CCDC167: variants seen among roughly 807,000 people sequenced by gnomAD.
CCDC167 encodes the protein coiled-coil domain-containing protein 167.
A neutral mutation model predicts 12.7 loss-of-function variants in CCDC167; 15 were observed. The observed-to-expected ratio is 1.18, with a 90% CI of 0.79 to 1.81. The LOEUF (loss-of-function observed/expected upper bound fraction) is 1.81. Ranked by LOEUF, CCDC167 falls within the 40% of genes most tolerant of loss-of-function variation. The pLI, the probability that CCDC167 is intolerant of heterozygous loss-of-function variation, is 0.00. For synonymous variants in CCDC167, 52 were observed against 49.0 expected (o/e 1.06, Z -0.26); for missense variants, 121 against 120.1 (o/e 1.01, Z -0.03).
chr6:37,484,638 G>T (rs1761917830), intron 3 of CCDC167, among the ~76,000 whole-genome samples, 172 bp downstream of exon 3: 1 of 152,222 alleles, frequency 6.6e-6, no homozygotes, highest in African/African-American at 2.4e-5. Flanking sequence ...CAACAAACCT[G>T]CTCTCCCGCA....
At chr6:37,484,692 G>T in intron 3 of CCDC167, 118 bp downstream of exon 3, 1 of 1,172,742 alleles carries the variant, frequency 8.5e-7, no homozygotes, top group Non-Finnish European at 1.3e-6. Context: ...CTGGGGGCTG[G>T]TTCCCTCCCA....
intron 1 of CCDC167, among the ~76,000 whole-genome samples, chr6:37,487,811 C>T (rs1332064529): frequency 6.6e-6 from 1 of 152,274 alleles, no homozygotes; most frequent in Non-Finnish European, 1.5e-5. Flanking sequence ...TTTATCTGAA[C>T]AAGCCCAATT....
chr6:37,485,192 G>C lies in CCDC167; in HGVS notation c.45C>G (p.Ile15Met), dbSNP rs745842957. ...GGGACAGCTTCTCCTCTAGCCCATC[G>C]ATCTGAAACAAAGGCCACAGAGAGG... ...KRENLGVALE[I>M]DGLEEKLSQC... is the part of the protein sequence containing the mutation. The change falls in exon 2 of 4, where the codon ATC becomes ATG. Residue 15 changes from isoleucine to methionine, a missense_variant and splice_region_variant. By Grantham distance (10) the Ile-to-Met change is conservative. Coordinates refer to ENST00000373408, the MANE Select transcript of CCDC167 (RefSeq NM_138493.3). 6.2e-7 allele frequency: 1 copy of C among 1,612,144 alleles called. No individual in the cohort carries two copies. Among genetic ancestry groups the C allele is most frequent in the Non-Finnish European group, 8.5e-7 (1 of 1,179,230 alleles).
intron 1 of CCDC167, among the ~76,000 whole-genome samples, chr6:37,491,200 C>T (rs532487394): frequency 1.3e-5 from 2 of 152,338 alleles, no homozygotes; most frequent in African/African-American, 2.4e-5. Flanking sequence ...CGGCTAGCTG[C>T]TGTTGGGGGC....
At chr6:37,499,738 C>T in intron 1 of CCDC167, 84 bp downstream of exon 1, 1 of 1,459,418 alleles carries the variant, frequency 6.9e-7, no homozygotes, top group Non-Finnish European at 9.6e-7. Context: ...GCTCCTCCTC[C>T]TATCTATAGC....
rs1184375378 is a variant in CCDC167, at chr6:37,482,939, C to T, written c.*247G>A. On this transcript the variant is annotated 3_prime_UTR_variant, in exon 4 of 4. Coordinates refer to ENST00000373408, the MANE Select transcript of CCDC167 (RefSeq NM_138493.3). ...ATGACATTTACTCAGCAGACGGGAACAGCTTTGTGTTCTTTATTGCCTCTC... is the reference window on the plus strand; with the variant it reads ...ATGACATTTACTCAGCAGACGGGAATAGCTTTGTGTTCTTTATTGCCTCTC... 7.5e-6 allele frequency: 4 copies of T among 530,886 alleles called. No homozygotes were observed. The highest frequency in any genetic ancestry group is 1.4e-5 in the Non-Finnish European group (4 of 283,780). The allele number at this position is 530,886 out of a possible 1,614,324, so 32.9% of individuals were successfully genotyped here.
chr6:37,498,616 A>C (rs1188679110), intron 1 of CCDC167, among the ~76,000 whole-genome samples: 2 of 152,112 alleles, frequency 1.3e-5, no homozygotes, highest in African/African-American at 4.8e-5. Context: ...ACTTGAGGTC[A>C]AGAGTTCAAG....
In CCDC167 at chr6:37,483,068, C is replaced by T. The variant is rs191706434; in HGVS notation, c.*118G>A. 7.2e-6 allele frequency: 6 copies of T among 837,564 alleles called. No individual in the cohort carries two copies. The African/African-American group carries it at 8.3e-5, about 12-fold the overall frequency. The allele number at this position is 837,564 out of a possible 1,614,324, so 51.9% of individuals were successfully genotyped here. A position where few individuals can be genotyped will look rare whatever the true frequency, so the allele number is the denominator to read the frequency against. Reference sequence around the variant, plus strand: ...GGGCCGCCAGGAAGCCATGCTTGAACACTAGGTTGGGAGGGGAACACCCCA... The same window carrying T: ...GGGCCGCCAGGAAGCCATGCTTGAATACTAGGTTGGGAGGGGAACACCCCA... On this transcript the variant is annotated 3_prime_UTR_variant, in exon 4 of 4. Transcript: ENST00000373408.
intron 1 of CCDC167, among the ~76,000 whole-genome samples, chr6:37,489,192 C>T (rs897860093): frequency 2.0e-5 from 3 of 151,752 alleles, no homozygotes. Flanking sequence ...GCCGAGATGG[C>T]ACCACTGCAC....
At position 37,483,104 on chromosome 6, in the gene CCDC167, C is replaced by A. The variant is rs1761889054; in HGVS notation, c.*82G>T. On this transcript the variant is annotated 3_prime_UTR_variant, in exon 4 of 4. Transcript: ENST00000373408. ...GAGGGGAACACCCCAGCACCTTGGT[C>A]CTATTGAGGCTTGAAGTGCCTGCTT... The A allele has an allele frequency of 9.3e-7, 1 of 1,072,414 alleles. No homozygotes were observed. Among genetic ancestry groups the A allele is most frequent in the African/African-American group, 1.6e-5 (1 of 64,468 alleles). 66.4% of individuals were successfully genotyped at this position (1,072,414 alleles called of 1,614,324 possible).
chr6:37,495,644 GTGCCCTGGT>G (rs1762088520), intron 1 of CCDC167, among the ~76,000 whole-genome samples: 1 of 152,170 alleles, frequency 6.6e-6, no homozygotes, highest in Admixed American at 6.5e-5. Flanking sequence ...AGGCTAGAGG[GTGCCCTGGT>G]TGTCCTAAGA....
intron 1 of CCDC167, among the ~76,000 whole-genome samples, chr6:37,492,198 T>C (rs1327947986): frequency 1.3e-5 from 2 of 152,254 alleles, no homozygotes; most frequent in Admixed American, 1.3e-4. Context: ...TCAGGGCTTA[T>C]GCTCTTTCCA....
intron 1 of CCDC167, among the ~76,000 whole-genome samples, chr6:37,491,083 C>CA (rs1239273611): frequency 6.6e-6 from 1 of 152,128 alleles, no homozygotes; most frequent in Non-Finnish European, 1.5e-5. Context: ...CTCTCAGAAT[C>CA]AGAGCCCCAC....
intron 1 of CCDC167, among the ~76,000 whole-genome samples, chr6:37,488,030 G>A (rs1048902917): frequency 1.3e-5 from 2 of 152,216 alleles, no homozygotes; most frequent in African/African-American, 4.8e-5. Context: ...CTGAGTGAGG[G>A]GAGGCTAAGA....
chr6:37,495,084 G>A (rs1000217259), intron 1 of CCDC167, among the ~76,000 whole-genome samples: 4 of 152,164 alleles, frequency 2.6e-5, no homozygotes, highest in Non-Finnish European at 5.9e-5. Flanking sequence ...ACAGGCGTGA[G>A]CCACTGCACC....
In CCDC167 at chr6:37,485,096, T is replaced by C. The variant is rs758180509; in HGVS notation, c.137+4A>G. ...AGGGTGGGGTGGCTGGGCAGGAGCATTACCTGGCCTCTGGGCTCAGCTCCC... is the reference window on the plus strand; with the variant it reads ...AGGGTGGGGTGGCTGGGCAGGAGCACTACCTGGCCTCTGGGCTCAGCTCCC... On this transcript the variant is annotated splice_donor_region_variant and intron_variant, in intron 2 of 3. Transcript: ENST00000373408. The C allele has an allele frequency of 6.2e-7, 1 of 1,610,526 alleles. No homozygotes were observed. The highest frequency in any genetic ancestry group is 8.5e-7 in the Non-Finnish European group (1 of 1,179,034).
chr6:37,495,850 A>G (rs1762090889), intron 1 of CCDC167, among the ~76,000 whole-genome samples: 1 of 152,240 alleles, frequency 6.6e-6, no homozygotes, highest in African/African-American at 2.4e-5. Flanking sequence ...CTGAGCACAC[A>G]ACTTTTAATA....
chr6:37,490,497 T>C (rs1351275804), intron 1 of CCDC167, among the ~76,000 whole-genome samples: 1 of 152,128 alleles, frequency 6.6e-6, no homozygotes, highest in Non-Finnish European at 1.5e-5. Flanking sequence ...TCCGTTCTTT[T>C]AACAGAAAAG....
intron 1 of CCDC167, among the ~76,000 whole-genome samples, chr6:37,489,726 T>C (rs1053373957): frequency 7.9e-5 from 12 of 152,042 alleles, no homozygotes; most frequent in African/African-American, 2.7e-4. Context: ...CCAAGCCCAG[T>C]AGGAAGGGAA....
Sources: gnomAD v4.1 joint callset for allele counts (sites outside exome capture counted in the v4.1 genomes callset) on GRCh38, gnomAD v4.1.1 for gene constraint, MANE v1.5 for transcripts, NCBI Gene and HGNC (gene_info 2026-07-23, HGNC 2026-07-21) for gene names.